Variants in USP31 observed in about 807,000 individuals in gnomAD.
USP31 encodes the protein ubiquitin specific peptidase 31.
Under a neutral mutation model 119.4 loss-of-function variants are expected in USP31, and 44 were observed. The ratio of observed to expected loss-of-function variants is 0.37; its 90% CI spans 0.29 to 0.47. The LOEUF (loss-of-function observed/expected upper bound fraction) is 0.47. Among genes scored for constraint, USP31 ranks in the 20% least tolerant of loss-of-function variants. USP31 has a pLI of 0.99. For synonymous variants in USP31, 749 were observed against 705.6 expected, an observed-to-expected ratio of 1.06 and a Z score of -0.97; for missense variants, 1,643 against 1,730.2, an observed-to-expected ratio of 0.95 and a Z score of 0.89.
intron 1 of USP31, among the ~76,000 whole-genome samples, chr16:23,110,944 T>C (rs556505904): frequency 1.3e-4 from 20 of 152,002 alleles, no homozygotes; most frequent in Admixed American, 4.6e-4. Context: ...CTAGTTAACA[T>C]GGTGAAACCC....
Position 23,085,105 on chromosome 16 carries a change from AT to A in USP31, c.1701-117del. Reference sequence around the variant, plus strand: ...CATAACCGAAGGAAAAAAAAAATCAATGTGTAAGAAAACAAAAGTAGTGACC... The same window carrying A: ...CATAACCGAAGGAAAAAAAAAATCAAGTGTAAGAAAACAAAAGTAGTGACC... On this transcript the variant is annotated intron_variant, in intron 10 of 15. Coordinates refer to ENST00000219689, the MANE Select transcript of USP31 (RefSeq NM_020718.4). 4 of 1,423,462 alleles carry A rather than the reference AT, an allele frequency of 2.8e-6. No individual in the cohort carries two copies. In the South Asian group the frequency reaches 5.4e-5, roughly 19 times the overall value. The allele number at this position is 1,423,462 out of a possible 1,614,324, so 88.2% of individuals were successfully genotyped here.
chr16:23,129,948 G>C (rs114160942), intron 1 of USP31, among the ~76,000 whole-genome samples: 1 of 152,114 alleles, frequency 6.6e-6, no homozygotes, highest in Non-Finnish European at 1.5e-5. Context: ...AGTAGTCAGG[G>C]GACTGTGAAA....
At chr16:23,105,406 G>A (rs764805062) in intron 5 of USP31, 35 bp downstream of exon 5, 1 of 1,523,994 alleles carries the variant, frequency 6.6e-7, no homozygotes, top group Admixed American at 2.0e-5. Flanking sequence ...ATACTTTTGT[G>A]GCTCATGTGT....
intron 1 of USP31, among the ~76,000 whole-genome samples, chr16:23,119,833 A>G (rs1406565793): frequency 6.6e-6 from 1 of 152,176 alleles, no homozygotes; most frequent in African/African-American, 2.4e-5. Flanking sequence ...GAAAGCAAAC[A>G]CACCAGAGAC....
At position 23,064,245 on chromosome 16, in the gene USP31, G is replaced by A. The variant is rs1038051669; in HGVS notation, c.*3801C>T. ...AACCTACATTGGAAACAATCACTTC[G>A]GCTGTTCAGTAATTTGTCCGAATGA... On this transcript the variant is annotated 3_prime_UTR_variant, in exon 16 of 16. Coordinates refer to ENST00000219689, the MANE Select transcript of USP31 (RefSeq NM_020718.4). The A allele has an allele frequency of 1.3e-5, 2 of 152,418 alleles. No homozygotes were observed. Among genetic ancestry groups the A allele is most frequent in the East Asian group, 1.9e-4 (1 of 5,202 alleles). The allele number at this position is 152,418 out of a possible 1,614,324, so 9.4% of individuals were successfully genotyped here. A position where few individuals can be genotyped will look rare whatever the true frequency, so the allele number is the denominator to read the frequency against.
chr16:23,139,938 G>A (rs907443978), intron 1 of USP31, among the ~76,000 whole-genome samples: 6 of 151,786 alleles, frequency 4.0e-5, no homozygotes, highest in African/African-American at 9.7e-5. Context: ...TTACCACTAC[G>A]CCTCTTGTAG....
At chr16:23,143,813 C>T (rs1331345137) in intron 1 of USP31, among the ~76,000 whole-genome samples, 1 of 151,984 alleles carries the variant, frequency 6.6e-6, no homozygotes, top group Non-Finnish European at 1.5e-5. Context: ...CACCACATGC[C>T]AGTAGCACCC....
chr16:23,105,402 T>C (rs375345878), intron 5 of USP31, 39 bp downstream of exon 5: 98 of 1,518,066 alleles, frequency 6.5e-5, no homozygotes, highest in Non-Finnish European at 8.4e-5. Context: ...AGCAATACTT[T>C]TGTGGCTCAT....
At position 23,069,133 on chromosome 16, in the gene USP31, T is replaced by A; in HGVS notation, c.2972A>T (p.Tyr991Phe). 1 of 1,613,574 alleles carries A rather than the reference T, an allele frequency of 6.2e-7. No individual in the cohort carries two copies. The highest frequency in any genetic ancestry group is 8.5e-7 in the Non-Finnish European group (1 of 1,179,952). ...GPFDNNNQIA[Y>F]VDQSDSVDSS... ...GTCTACGGAGTCGCTCTGATCCACA[T>A]AAGCGATCTGATTATTGTTATCAAA... Residue 991 changes from tyrosine (Y) to phenylalanine (F), a missense_variant, in exon 16 of 16, where the codon TAT becomes TTT. Physicochemically the swap from Tyr to Phe is conservative, Grantham distance 22. Transcript: ENST00000219689.
intron 7 of USP31, among the ~76,000 whole-genome samples, chr16:23,088,634 C>T (rs753862665): frequency 4.6e-5 from 7 of 152,208 alleles, no homozygotes; most frequent in Non-Finnish European, 7.3e-5. Flanking sequence ...CCCTCCCCAC[C>T]CTTCTGAGTC....
In USP31 at chr16:23,090,606, A is replaced by G. The variant is rs773197112; in HGVS notation, c.1415+18T>C. On this transcript the variant is annotated intron_variant, in intron 7 of 15. Coordinates refer to ENST00000219689, the MANE Select transcript of USP31 (RefSeq NM_020718.4). ...TGTTACAGTCTAGGTACTTACTGGA[A>G]AATAATCTGGTTCTCACCTTTTCCC... is the stretch of plus-strand genomic sequence containing the variant. The G allele has an allele frequency of 6.3e-7, 1 of 1,589,762 alleles. No homozygotes were observed.
At chr16:23,094,656 G>A (rs1901523223) in intron 6 of USP31, among the ~76,000 whole-genome samples, 1 of 152,094 alleles carries the variant, frequency 6.6e-6, no homozygotes, top group Admixed American at 6.5e-5. Flanking sequence ...CCAGAGAAAG[G>A]ATCAGGCAGC....
intron 5 of USP31, among the ~76,000 whole-genome samples, chr16:23,103,316 C>T (rs561081841): frequency 4.6e-5 from 7 of 151,752 alleles, no homozygotes; most frequent in Admixed American, 1.3e-4. Context: ...AAAAAATCAA[C>T]TCAAATGTCC....
rs1383367562 is a variant in USP31, at chr16:23,105,448, G to C, written c.1082C>G (p.Thr361Ser). ...EAVSMETKIP[T>S]DQIVLTEMYY... ...TCTTAGCAGACTTATTACCTGATCA[G>C]TGGGGATCTTTGTTTCCATAGACAC... is the stretch of plus-strand genomic sequence containing the variant. Residue 361 changes from threonine to serine, a missense_variant, in exon 5 of 16, where the codon ACT (threonine) becomes AGT (serine). Thr to Ser is a moderately conservative substitution (Grantham distance 58). This residue lies in a region of USP31 where 144 missense variants were observed against 218.0 expected (regional missense o/e 0.66). Coordinates refer to ENST00000219689, the MANE Select transcript of USP31 (RefSeq NM_020718.4). 1 of 1,613,582 alleles carries C rather than the reference G, an allele frequency of 6.2e-7. No individual in the cohort carries two copies. The highest frequency in any genetic ancestry group is 1.3e-5 in the African/African-American group (1 of 74,908).
chr16:23,075,130 C>A (rs530868257), intron 13 of USP31, among the ~76,000 whole-genome samples: 1 of 152,166 alleles, frequency 6.6e-6, no homozygotes, highest in Non-Finnish European at 1.5e-5. Context: ...GACCTATGAA[C>A]GGAGGCAGGG....
chr16:23,126,061 A>AT (rs1053875846), intron 1 of USP31, among the ~76,000 whole-genome samples: 2 of 152,116 alleles, frequency 1.3e-5, no homozygotes, highest in Non-Finnish European at 2.9e-5. Flanking sequence ...CATGCCTATA[A>AT]TCTCAGCACT....
At chr16:23,105,959 G>A (rs1028889935) in intron 4 of USP31, among the ~76,000 whole-genome samples, 3 of 152,048 alleles carry the variant, frequency 2.0e-5, no homozygotes, top group African/African-American at 4.8e-5. Context: ...AGCAGCCCCC[G>A]TCCCCCAACC....
chr16:23,102,269 A>G lies in USP31; in HGVS notation c.1234+50T>C, dbSNP rs539841771. 1.9e-6 allele frequency: 3 copies of G among 1,575,160 alleles called. No individual in the cohort carries two copies. The African/African-American group carries it at 4.1e-5, about 22-fold the overall frequency. The stretch of plus-strand genomic sequence containing the variant: ...ATAGACAACTAAAAAGGTAGACTAT[A>G]GTTAAACCTGCAAACCCAGGTGGCA... On this transcript the variant is annotated intron_variant, in intron 6 of 15. Coordinates refer to ENST00000219689, the MANE Select transcript of USP31 (RefSeq NM_020718.4).
intron 9 of USP31, 99 bp downstream of exon 9, chr16:23,086,993 C>A (rs1467484719): frequency 4.7e-6 from 4 of 853,690 alleles, no homozygotes; most frequent in Admixed American, 2.9e-5. Flanking sequence ...CCTAAAGAAC[C>A]CTGCACACTT....
Sources: gnomAD v4.1 joint callset for allele counts (sites outside exome capture counted in the v4.1 genomes callset) on GRCh38, gnomAD v4.1.1 for gene constraint, gnomAD v4.1.1 regional missense constraint, MANE v1.5 for transcripts, NCBI Gene and HGNC (gene_info 2026-07-23, HGNC 2026-07-21) for gene names.